PLEKHH1: variants seen among roughly 807,000 people sequenced by gnomAD.
PLEKHH1 encodes pleckstrin homology domain-containing family H member 1.
Under a neutral mutation model 160.0 loss-of-function variants are expected in PLEKHH1, and 104 were observed. That is an observed-to-expected ratio of 0.65 (90% CI 0.55 to 0.76). PLEKHH1 has a LOEUF of 0.76. PLEKHH1 is among the 30% of genes least tolerant of loss of function. PLEKHH1 has a pLI of 0.00. For synonymous variants in PLEKHH1, 619 were observed against 678.4 expected (o/e 0.91, Z 1.36); for missense variants, 1,427 against 1,724.1 (o/e 0.83, Z 3.05).
chr14:67,577,317 G>A lies in PLEKHH1; in HGVS notation c.2477G>A (p.Arg826Lys). ...CTTTGGGCAGATTCGCCGCTCTGGA[G>A]GCACCCCATGCTGTGCTACAGCAAA... ...GEGDPDSPLW[R>K]HPMLCYSKDG... Residue 826 changes from arginine to lysine, a missense_variant, in exon 18 of 29, where the codon AGG becomes AAG. Arg to Lys is a conservative substitution (Grantham distance 26). Around this residue, in one of 6 missense-constraint regions of PLEKHH1, gnomAD observed 436 missense variants for 607.5 expected, o/e 0.72. Coordinates refer to ENST00000329153, the MANE Select transcript of PLEKHH1 (RefSeq NM_020715.3). 1 of 1,571,304 alleles carries A rather than the reference G, an allele frequency of 6.4e-7. No individual in the cohort carries two copies. Among genetic ancestry groups the A allele is most frequent in the Non-Finnish European group, 8.6e-7 (1 of 1,158,878 alleles).
Position 67,578,416 on chromosome 14 carries a change from A to C in PLEKHH1, c.2752-118A>C, listed in dbSNP as rs1301850533. 1.3e-5 allele frequency: 11 copies of C among 842,918 alleles called. No homozygotes were observed. The highest frequency in any genetic ancestry group is 2.9e-4 in the Middle Eastern group (1 of 3,440). 52.2% of individuals were successfully genotyped at this position (842,918 alleles called of 1,614,324 possible). A position where few individuals can be genotyped will look rare whatever the true frequency, so the allele number is the denominator to read the frequency against. On this transcript the variant is annotated intron_variant, in intron 19 of 28. Coordinates refer to ENST00000329153, the MANE Select transcript of PLEKHH1 (RefSeq NM_020715.3). The surrounding 1 kb of genome is among the most constrained non-coding windows in gnomAD (Gnocchi z 5.0). Reference sequence around the variant, plus strand: ...CCAAGTTGGCCATCCCAGCACCCAGAGCAAGTTGGGGGCTCTGGTTTGGGG... The same window carrying C: ...CCAAGTTGGCCATCCCAGCACCCAGCGCAAGTTGGGGGCTCTGGTTTGGGG...
rs1247052003 is a variant in PLEKHH1 at position 67,582,729 on chromosome 14, C to T, written c.3426+519C>T. ...GTGGGCGCCTGTAATCCCAGCTACT[C>T]GGCAGGCTGAGGCAGGAGAATCACT... is the stretch of plus-strand genomic sequence containing the variant. On this transcript the variant is annotated intron_variant, in intron 24 of 28. Coordinates refer to ENST00000329153, the MANE Select transcript of PLEKHH1 (RefSeq NM_020715.3). The surrounding 1 kb of genome is among the most constrained non-coding windows in gnomAD (Gnocchi z 5.0). 6.6e-6 allele frequency among the ~76,000 whole-genome samples: 1 copy of T among 151,968 alleles called. No individual in the cohort carries two copies. Among genetic ancestry groups the T allele is most frequent in the South Asian group, 2.1e-4 (1 of 4,802 alleles).
chr14:67,570,405 A>G (rs1464054855), intron 9 of PLEKHH1: 3 of 401,658 alleles, frequency 7.5e-6, no homozygotes, highest in Non-Finnish European at 1.0e-5. Context: ...TAGAATTGCA[A>G]TATTTTCATA....
At chr14:67,569,262 C>A in intron 8 of PLEKHH1, 46 bp downstream of exon 8, 1 of 1,408,106 alleles carries the variant, frequency 7.1e-7, no homozygotes, top group Non-Finnish European at 1.0e-6. Context: ...CCAAGGTGGG[C>A]AGGGTGGGCA....
intron 11 of PLEKHH1, 62 bp downstream of exon 11, chr14:67,572,339 C>G: frequency 6.8e-7 from 1 of 1,476,464 alleles, no homozygotes; most frequent in Non-Finnish European, 9.1e-7. Flanking sequence ...TGCTGGGGCC[C>G]TCAGCACAAG....
In PLEKHH1 at chr14:67,576,369, T is replaced by A. The variant is rs993254559; in HGVS notation, c.2353-26T>A. The A allele has an allele frequency of 3.0e-6, 4 of 1,350,078 alleles. No individual in the cohort carries two copies. The highest frequency in any genetic ancestry group is 3.2e-6 in the Non-Finnish European group (3 of 943,500). The allele number at this position is 1,350,078 out of a possible 1,614,324, so 83.6% of individuals were successfully genotyped here. ...CTCCACTCTTCCCACCCCGTCCCCA[T>A]CCGATGGCTTTCCGCCCTCTTCCAG... On this transcript the variant is annotated intron_variant, in intron 16 of 28. Transcript: ENST00000329153. This position sits in a 1 kb window ranked among gnomAD's most constrained non-coding sequence, Gnocchi z 4.0.
chr14:67,540,020 G>A (rs1470205282), intron 1 of PLEKHH1, among the ~76,000 whole-genome samples: 1 of 152,170 alleles, frequency 6.6e-6, no homozygotes, highest in Non-Finnish European at 1.5e-5. Flanking sequence ...TTGCACTGTG[G>A]TAGTATCTGG....
intron 11 of PLEKHH1, 81 bp downstream of exon 11, chr14:67,572,358 A>T: frequency 9.7e-7 from 1 of 1,033,200 alleles, no homozygotes; most frequent in South Asian, 1.5e-5. Context: ...AGACATAGGC[A>T]GTAGCTGCCT....
chr14:67,555,351 G>T (rs1443675721), intron 2 of PLEKHH1, among the ~76,000 whole-genome samples: 1 of 152,222 alleles, frequency 6.6e-6, no homozygotes, highest in Non-Finnish European at 1.5e-5. Context: ...TGGGTGAGGA[G>T]GTATTCATCC....
intron 7 of PLEKHH1, among the ~76,000 whole-genome samples, chr14:67,568,581 C>T (rs765224996): frequency 1.6e-4 from 24 of 152,058 alleles, no homozygotes; most frequent in Admixed American, 6.6e-4. Context: ...ATCTTGCATA[C>T]GTACCCTGGA....
chr14:67,545,309 TG>T (rs2034133238), intron 2 of PLEKHH1, among the ~76,000 whole-genome samples: 1 of 152,292 alleles, frequency 6.6e-6, no homozygotes, highest in South Asian at 2.1e-4. Context: ...CAAACAGAAA[TG>T]TAGTCTTTAT....
intron 2 of PLEKHH1, among the ~76,000 whole-genome samples, chr14:67,542,986 C>A (rs1176639458): frequency 6.6e-6 from 1 of 152,190 alleles, no homozygotes; most frequent in Non-Finnish European, 1.5e-5. Flanking sequence ...GCTGGGATTA[C>A]AGACATGAGC....
Position 67,574,535 on chromosome 14 carries a change from C to T in PLEKHH1, c.2088+132C>T, listed in dbSNP as rs1324885025. On this transcript the variant is annotated intron_variant, in intron 14 of 28. Coordinates refer to ENST00000329153, the MANE Select transcript of PLEKHH1 (RefSeq NM_020715.3). This position sits in a 1 kb window ranked among gnomAD's most constrained non-coding sequence, Gnocchi z 4.2. ...CTCTGGGAGCCTCCTCACAGTGACT[C>T]GCTGGCCAGCCCTCAAACGTGGTCT... 6.0e-6 allele frequency: 4 copies of T among 663,378 alleles called. No individual in the cohort carries two copies. Among genetic ancestry groups the T allele is most frequent in the Non-Finnish European group, 7.0e-6 (3 of 429,014 alleles). 41.1% of individuals were successfully genotyped at this position (663,378 alleles called of 1,614,324 possible). A position where few individuals can be genotyped will look rare whatever the true frequency, so the allele number is the denominator to read the frequency against.
rs1164596878 is a variant in PLEKHH1 at position 67,576,744 on chromosome 14, GT to G, written c.2461+245del. On this transcript the variant is annotated intron_variant, in intron 17 of 28. Coordinates refer to ENST00000329153, the MANE Select transcript of PLEKHH1 (RefSeq NM_020715.3). This position sits in a 1 kb window ranked among gnomAD's most constrained non-coding sequence, Gnocchi z 4.0. ...AGGCTTTCCAGGGACCTGGGTAAAT[GT>G]TTTACTTGGATCAAGCTGCCCCGTT... Among the ~76,000 whole-genome samples the G allele has an allele frequency of 2.0e-5, 3 of 152,188 alleles. No homozygotes were observed. The highest frequency in any genetic ancestry group is 7.2e-5 in the African/African-American group (3 of 41,442).
At chr14:67,577,232 G>A in intron 17 of PLEKHH1, 70 bp from the exon 18 acceptor site, 2 of 929,166 alleles carry the variant, frequency 2.2e-6, no homozygotes, top group Non-Finnish European at 3.4e-6. Context: ...ATTAAAGATG[G>A]CGGTGAGTGG....
chr14:67,586,805 T>TGTAG (rs1439065357), intron 28 of PLEKHH1: 2 of 1,426,524 alleles, frequency 1.4e-6, no homozygotes, highest in African/African-American at 2.8e-5. Context: ...CTTCCCTGGT[T>TGTAG]GTAGAGCTAA....
At position 67,588,687 on chromosome 14, in the gene PLEKHH1, C is replaced by G. The variant is rs2036269799; in HGVS notation, c.*1452C>G. 1 of 152,426 alleles carries G rather than the reference C, an allele frequency of 6.6e-6. No homozygotes were observed. The highest frequency in any genetic ancestry group is 1.5e-5 in the Non-Finnish European group (1 of 68,018). 9.4% of individuals were successfully genotyped at this position (152,426 alleles called of 1,614,324 possible). A position where few individuals can be genotyped will look rare whatever the true frequency, so the allele number is the denominator to read the frequency against. ...GGAAACTGAGTTTTATTTCCTAGCTCTAAGGCAGCCTTACTATATGTCAGT... is the reference window on the plus strand; with the variant it reads ...GGAAACTGAGTTTTATTTCCTAGCTGTAAGGCAGCCTTACTATATGTCAGT... On this transcript the variant is annotated 3_prime_UTR_variant, in exon 29 of 29. Coordinates refer to ENST00000329153, the MANE Select transcript of PLEKHH1 (RefSeq NM_020715.3).
At chr14:67,557,203 G>A (rs1009334542) in intron 3 of PLEKHH1, 66 bp from the exon 4 acceptor site, 7 of 1,413,580 alleles carry the variant, frequency 5.0e-6, no homozygotes, top group East Asian at 2.3e-5. Context: ...CCCATCCCAC[G>A]TTACTGGCCA....
In PLEKHH1 at chr14:67,573,086, C is replaced by T. The variant is rs558169733; in HGVS notation, c.1729-190C>T. Among the ~76,000 whole-genome samples, 344 of 152,322 alleles carry T rather than the reference C, an allele frequency of 2.3e-3. No homozygotes were observed. The highest frequency in any genetic ancestry group is 3.9e-3 in the Non-Finnish European group (264 of 68,028). ...GGAGCCCTTCCTTGGCAGGACCACC[C>T]ATGTTTTATTTAGTCCTCTCTGAAC... On this transcript the variant is annotated intron_variant, in intron 11 of 28. Coordinates refer to ENST00000329153, the MANE Select transcript of PLEKHH1 (RefSeq NM_020715.3). The surrounding 1 kb of genome is among the most constrained non-coding windows in gnomAD (Gnocchi z 4.8).
Sources: gnomAD v4.1 joint callset for allele counts (sites outside exome capture counted in the v4.1 genomes callset) on GRCh38, gnomAD v4.1.1 for gene constraint, gnomAD v4.1.1 regional missense constraint, Gnocchi (gnomAD v3.1) non-coding constraint, MANE v1.5 for transcripts, NCBI Gene and HGNC (gene_info 2026-07-23, HGNC 2026-07-21) for gene names.